The following CACNB2 variants were observed in gnomAD, a reference collection of about 807,000 sequenced individuals.
CACNB2 encodes voltage-dependent L-type calcium channel subunit beta-2.
Under a neutral mutation model 73.3 loss-of-function variants are expected in CACNB2, and 42 were observed. The ratio of observed to expected loss-of-function variants is 0.57; its 90% CI spans 0.45 to 0.74. CACNB2 has a LOEUF of 0.74. Ranked by LOEUF, CACNB2 falls within the 30% of genes least tolerant of loss-of-function variation. The probability of loss-of-function intolerance (pLI) is 0.00; values close to 1 mark genes in which losing one functional copy is unlikely to be tolerated. For missense variants in CACNB2, 940 were observed against 853.0 expected, an observed-to-expected ratio of 1.10 and a Z score of -1.27; for synonymous variants, 348 against 310.3, an observed-to-expected ratio of 1.12 and a Z score of -1.28.
intron 3 of CACNB2, among the ~76,000 whole-genome samples, chr10:18,485,995 A>G (rs2049042403): frequency 6.6e-6 from 1 of 152,004 alleles, no homozygotes; most frequent in African/African-American, 2.4e-5. Flanking sequence ...ATAGACATTA[A>G]AACAAACTAT....
chr10:18,516,490 C>G (rs1053920584), intron 7 of CACNB2, among the ~76,000 whole-genome samples: 1 of 152,146 alleles, frequency 6.6e-6, no homozygotes. Context: ...GTAGCTGTTA[C>G]TAAAATGCAG....
At chr10:18,509,968 G>C (rs1208358447) in intron 6 of CACNB2, among the ~76,000 whole-genome samples, 5 of 152,168 alleles carry the variant, frequency 3.3e-5, no homozygotes, top group African/African-American at 4.8e-5. Context: ...TTTAAAAAGA[G>C]TAACATTTCT....
intron 2 of CACNB2, among the ~76,000 whole-genome samples, chr10:18,299,264 G>C (rs1251879524): frequency 6.6e-6 from 1 of 152,038 alleles, no homozygotes. Flanking sequence ...TTCTGGATTG[G>C]ACAATACATG....
chr10:18,209,536 A>C (rs548095056), intron 2 of CACNB2, among the ~76,000 whole-genome samples: 2 of 152,180 alleles, frequency 1.3e-5, no homozygotes, highest in Non-Finnish European at 1.5e-5. Context: ...TACACAGGCA[A>C]TGAAGGGGTC....
chr10:18,172,179 A>G (rs1198757094), intron 2 of CACNB2, among the ~76,000 whole-genome samples: 2 of 152,102 alleles, frequency 1.3e-5, no homozygotes, highest in Non-Finnish European at 2.9e-5. Context: ...CCTGGCCAAC[A>G]TGGCAAAACC....
chr10:18,466,465 A>G (rs1257127528), intron 3 of CACNB2, among the ~76,000 whole-genome samples: 1 of 151,668 alleles, frequency 6.6e-6, no homozygotes, highest in Non-Finnish European at 1.5e-5. Flanking sequence ...ACTCCTGACC[A>G]CAAGCAATGC....
chr10:18,496,696 C>T (rs1406443042), intron 3 of CACNB2, among the ~76,000 whole-genome samples: 1 of 150,900 alleles, frequency 6.6e-6, no homozygotes, highest in Admixed American at 6.6e-5. Context: ...TGCCTGTAAT[C>T]CCAGCAACTC....
chr10:18,344,079 A>AG (rs1317791969), intron 2 of CACNB2, among the ~76,000 whole-genome samples: 1 of 151,968 alleles, frequency 6.6e-6, no homozygotes, highest in Non-Finnish European at 1.5e-5. Flanking sequence ...AAAAAAAAAA[A>AG]AAAAGAAAGT....
At chr10:18,387,261 C>A (rs981925627) in intron 2 of CACNB2, among the ~76,000 whole-genome samples, 43 of 152,194 alleles carry the variant, frequency 2.8e-4, no homozygotes, top group African/African-American at 1.0e-3. Flanking sequence ...GAAGCTTCTT[C>A]TGAGTCCCAT....
chr10:18,526,571 T>C (rs904538667), intron 9 of CACNB2, among the ~76,000 whole-genome samples: 6 of 152,250 alleles, frequency 3.9e-5, no homozygotes, highest in African/African-American at 1.4e-4. Context: ...TCAATTTTGC[T>C]TCACAGCTTT....
intron 5 of CACNB2, among the ~76,000 whole-genome samples, chr10:18,504,495 C>A (rs1327812594): frequency 6.6e-6 from 1 of 152,214 alleles, no homozygotes; most frequent in Non-Finnish European, 1.5e-5. Flanking sequence ...CATCTCAGAA[C>A]TTACTCCAGA....
At chr10:18,500,722 G>T (rs1214379253) in intron 4 of CACNB2, 90 bp from the exon 5 acceptor site, 4 of 1,296,746 alleles carry the variant, frequency 3.1e-6, no homozygotes, top group East Asian at 2.3e-5. Context: ...AATGGTCATT[G>T]CCATATTTCT....
At chr10:18,141,225 G>A in intron 1 of CACNB2, 1 of 1,489,998 alleles carries the variant, frequency 6.7e-7, no homozygotes, top group Non-Finnish European at 9.1e-7. Flanking sequence ...CGTGAGTCCG[G>A]GTGGGCGGGA....
At chr10:18,359,760 C>A (rs957559364) in intron 2 of CACNB2, among the ~76,000 whole-genome samples, 4 of 152,034 alleles carry the variant, frequency 2.6e-5, no homozygotes, top group African/African-American at 7.3e-5. Flanking sequence ...TCTAGCCCCC[C>A]ACCCCCCAGC....
chr10:18,456,277 C>G (rs1339018632), intron 3 of CACNB2, among the ~76,000 whole-genome samples: 4 of 151,750 alleles, frequency 2.6e-5, no homozygotes, highest in African/African-American at 7.3e-5. Flanking sequence ...TCGAGAACGG[C>G]CTGACCAAAA....
chr10:18,514,904 C>A, intron 7 of CACNB2: 1 of 938,270 alleles, frequency 1.1e-6, no homozygotes, highest in Non-Finnish European at 1.7e-6. Context: ...TTATGATATC[C>A]AGATACATAG....
intron 2 of CACNB2, among the ~76,000 whole-genome samples, chr10:18,243,547 A>T (rs1295487087): frequency 1.3e-5 from 2 of 152,132 alleles, no homozygotes; most frequent in East Asian, 3.9e-4. Context: ...TAACGTTGGG[A>T]GCTGGGGCCT....
chr10:18,397,954 T>C (rs576411089), intron 2 of CACNB2, among the ~76,000 whole-genome samples: 2 of 152,214 alleles, frequency 1.3e-5, no homozygotes, highest in South Asian at 4.2e-4. Context: ...GAAATCTGGG[T>C]AGCTGAAATG....
At chr10:18,381,331 C>T (rs1033292305) in intron 2 of CACNB2, among the ~76,000 whole-genome samples, 3 of 151,784 alleles carry the variant, frequency 2.0e-5, no homozygotes, top group Non-Finnish European at 2.9e-5. Context: ...TTGGTAAAAC[C>T]ATTTGGTAAT....
Sources: allele counts gnomAD v4.1 joint callset (sites outside exome capture counted in the v4.1 genomes callset), GRCh38; gene constraint gnomAD v4.1.1; transcripts MANE v1.5; gene names NCBI Gene and HGNC (gene_info 2026-07-23, HGNC 2026-07-21).